RIN2: variants seen among roughly 807,000 people sequenced by gnomAD.
The protein encoded by RIN2 is RAB5 interacting protein 2.
Under a neutral mutation model 78.0 loss-of-function variants are expected in RIN2, and 36 were observed. The observed-to-expected ratio is 0.46, with a 90% confidence interval of 0.35 to 0.61. The LOEUF is 0.61. Ranked by LOEUF, RIN2 falls within the 20% of genes least tolerant of loss-of-function variation. The pLI is 0.00. For missense variants in RIN2, 1,087 were observed against 1,159.7 expected (o/e 0.94, Z 0.91); for synonymous variants, 466 against 466.8 (o/e 1.00, Z 0.02).
intron 2 of RIN2, among the ~76,000 whole-genome samples, chr20:19,878,528 C>T (rs1189787997): frequency 6.6e-6 from 1 of 152,130 alleles, no homozygotes; most frequent in Non-Finnish European, 1.5e-5. Flanking sequence ...CCCAAGTCCT[C>T]GTAAAGGCAC....
At chr20:19,812,151 G>C (rs2035625117) in intron 2 of RIN2, among the ~76,000 whole-genome samples, 1 of 151,258 alleles carries the variant, frequency 6.6e-6, no homozygotes, top group East Asian at 1.9e-4. Flanking sequence ...TAATTTTATT[G>C]TTATAAATCA....
intron 2 of RIN2, among the ~76,000 whole-genome samples, chr20:19,856,511 A>G (rs769510539): frequency 1.4e-4 from 20 of 144,462 alleles, no homozygotes; most frequent in Admixed American, 2.1e-4. Context: ...CCAGGCTGGG[A>G]GAGAGAGTGA....
chr20:19,941,398 T>C (rs1202916257), intron 4 of RIN2, among the ~76,000 whole-genome samples: 4 of 152,222 alleles, frequency 2.6e-5, no homozygotes, highest in Non-Finnish European at 4.4e-5. Flanking sequence ...AGAGGGACAG[T>C]TGTGACCACA....
intron 2 of RIN2, among the ~76,000 whole-genome samples, chr20:19,844,584 GCTGCTGCTGCTTCTTCCTCTTCTTCTT>G (rs1568806738): frequency 7.2e-6 from 1 of 139,756 alleles, no homozygotes; most frequent in African/African-American, 2.6e-5. Flanking sequence ...AGCTGCTGCT[GCTGCTGCTGCTTCTTCCTCTTCTTCTT>G]CTTCTTCTTC....
chr20:20,000,779 G>A lies in RIN2; in HGVS notation c.2531G>A (p.Trp844Ter). 6.2e-7 allele frequency: 1 copy of A among 1,613,988 alleles called. No individual in the cohort carries two copies. The highest frequency in any genetic ancestry group is 8.5e-7 in the Non-Finnish European group (1 of 1,179,886). ...CTCTTTCTCTTCGTTGACGAGACAT[G>A]GCAGCAGCTGGCAGAGGACACTTAC... ...YSLFLFVDET[W>*]QQLAEDTYPQ... Residue 844 changes from tryptophan (W) to a stop codon, truncating the protein, a stop_gained, in exon 13 of 13, where the codon TGG becomes TAG. Coordinates refer to ENST00000255006, the MANE Select transcript of RIN2 (RefSeq NM_018993.4). LOFTEE classifies it high-confidence loss of function.
At chr20:19,948,806 A>AATTTTG (rs200144089) in intron 4 of RIN2, among the ~76,000 whole-genome samples, 91 of 136,034 alleles carry the variant, frequency 6.7e-4, no homozygotes, top group African/African-American at 1.8e-3. Context: ...TTTTAATTTT[A>AATTTTG]TTTATTTATT....
intron 1 of RIN2, among the ~76,000 whole-genome samples, chr20:19,775,662 G>A (rs572978910): frequency 3.3e-5 from 5 of 152,324 alleles, no homozygotes; most frequent in African/African-American, 1.2e-4. Flanking sequence ...AAAAACAGAG[G>A]CTTAGAGAAC....
intron 2 of RIN2, among the ~76,000 whole-genome samples, chr20:19,866,218 A>G (rs2037501832): frequency 6.6e-6 from 1 of 152,008 alleles, no homozygotes; most frequent in Non-Finnish European, 1.5e-5. Context: ...TTGTGCTACT[A>G]TGAGAATCTA....
In RIN2 at chr20:19,975,726, T is replaced by C. The variant is rs2146324523; in HGVS notation, c.1701T>C (p.Tyr567=). The part of the protein sequence containing the change: ...IRQFMTQVKN[Y]LSQSSELDPP... ...AGTTCATGACCCAGGTCAAGAACTATTTGTCTCAGAGCTCGGAGCTGGACC... is the reference window on the plus strand; with the variant it reads ...AGTTCATGACCCAGGTCAAGAACTACTTGTCTCAGAGCTCGGAGCTGGACC... Residue 567 remains tyrosine, a synonymous_variant, in exon 9 of 13, where the codon TAT becomes TAC. Transcript: ENST00000255006. The surrounding 1 kb of genome is among the most constrained non-coding windows in gnomAD (Gnocchi z 4.9). 6.2e-7 allele frequency: 1 copy of C among 1,613,448 alleles called. No homozygotes were observed. Among genetic ancestry groups the C allele is most frequent in the Non-Finnish European group, 8.5e-7 (1 of 1,179,816 alleles).
At chr20:19,857,802 A>G (rs1284800926) in intron 2 of RIN2, among the ~76,000 whole-genome samples, 3 of 152,168 alleles carry the variant, frequency 2.0e-5, no homozygotes, top group Non-Finnish European at 4.4e-5. Context: ...TCTGGGCAAC[A>G]AAGTGAGACC....
intron 9 of RIN2, among the ~76,000 whole-genome samples, chr20:19,986,626 C>G (rs535462784): frequency 6.6e-6 from 1 of 152,092 alleles, no homozygotes; most frequent in Non-Finnish European, 1.5e-5. Flanking sequence ...TTGCTAGTAA[C>G]GACTTTTCTG....
chr20:19,999,334 C>T (rs1466687739), intron 12 of RIN2, among the ~76,000 whole-genome samples: 3 of 152,168 alleles, frequency 2.0e-5, no homozygotes, highest in Non-Finnish European at 2.9e-5. Flanking sequence ...CACTAGCTCA[C>T]CTCTCCTGCA....
intron 2 of RIN2, among the ~76,000 whole-genome samples, chr20:19,829,785 A>T (rs535776225): frequency 9.2e-5 from 14 of 152,292 alleles, no homozygotes; most frequent in African/African-American, 3.4e-4. Flanking sequence ...GGGGTCAGGA[A>T]GCTGCTGAAT....
At chr20:19,940,866 T>G (rs1268659079) in intron 4 of RIN2, among the ~76,000 whole-genome samples, 1 of 152,206 alleles carries the variant, frequency 6.6e-6, no homozygotes, top group East Asian at 1.9e-4. Context: ...CACTTTATCC[T>G]CAGGCGGAAC....
intron 4 of RIN2, among the ~76,000 whole-genome samples, chr20:19,951,646 G>A (rs543902246): frequency 4.2e-5 from 5 of 118,848 alleles, no homozygotes; most frequent in Non-Finnish European, 6.2e-5. Flanking sequence ...TCTGATTTTA[G>A]CATCCACTCA....
chr20:19,922,173 G>A (rs6136885), intron 3 of RIN2, among the ~76,000 whole-genome samples: 40,828 of 152,042 alleles, frequency 0.27, 5,826 homozygotes, highest in East Asian at 0.37. Flanking sequence ...GCCTGGGTCC[G>A]TCTTAAAGGG....
intron 1 of RIN2, among the ~76,000 whole-genome samples, chr20:19,784,201 C>CTG (rs2034599430): frequency 6.6e-6 from 1 of 152,200 alleles, no homozygotes; most frequent in Non-Finnish European, 1.5e-5. Flanking sequence ...ATCAAGGGTG[C>CTG]TGTGCCCTTT....
intron 3 of RIN2, 134 bp from the exon 4 acceptor site, chr20:19,934,965 A>AT: frequency 1.6e-6 from 1 of 628,980 alleles, no homozygotes; most frequent in South Asian, 2.3e-5. Flanking sequence ...CAGAGCCAAG[A>AT]TTAAAAAAAA....
intron 7 of RIN2, among the ~76,000 whole-genome samples, chr20:19,968,825 G>A (rs1050335765): frequency 6.6e-6 from 1 of 152,196 alleles, no homozygotes; most frequent in Non-Finnish European, 1.5e-5. Flanking sequence ...TTACAAGGTT[G>A]TGGTTCCCAT....
Sources: gnomAD v4.1 joint callset for allele counts (sites outside exome capture counted in the v4.1 genomes callset) on GRCh38, gnomAD v4.1.1 for gene constraint, Gnocchi (gnomAD v3.1) non-coding constraint, MANE v1.5 for transcripts, NCBI Gene and HGNC (gene_info 2026-07-23, HGNC 2026-07-21) for gene names.